Variants in GID4 observed in about 807,000 individuals in gnomAD.
GID4 encodes the protein glucose-induced degradation protein 4 homolog.
In GID4, 7 loss-of-function variants were observed where a neutral mutation model predicts 32.4. That is an observed-to-expected ratio of 0.22 (90% CI 0.12 to 0.41). GID4 has a LOEUF of 0.41. Among genes scored for constraint, GID4 ranks in the 10% least tolerant of loss-of-function variants. The pLI, the probability that GID4 is intolerant of heterozygous loss-of-function variation, is 1.00. For synonymous variants in GID4, 166 were observed against 170.0 expected (o/e 0.98, Z 0.18); for missense variants, 309 against 400.0 (o/e 0.77, Z 1.94).
rs2045077214 is a variant in GID4, at chr17:18,067,512, C to A, written c.*2269C>A. ...CCTTTACTAGATCCTTCAGACACAT[C>A]TATGAGAAGATTTGTTCATTTAAAA... On this transcript the variant is annotated 3_prime_UTR_variant, in exon 6 of 6. Transcript: ENST00000268719. 1 of 152,498 alleles carries A rather than the reference C, an allele frequency of 6.6e-6. No individual in the cohort carries two copies. Among genetic ancestry groups the A allele is most frequent in the South Asian group, 2.1e-4 (1 of 4,836 alleles). 9.4% of individuals were successfully genotyped at this position (152,498 alleles called of 1,614,324 possible).
chr17:18,057,183 G>A (rs998931446), intron 3 of GID4: 119 of 977,134 alleles, frequency 1.2e-4, no homozygotes, highest in Non-Finnish European at 1.6e-4. Flanking sequence ...TGTAATGCCA[G>A]CACTTTGGGA....
chr17:18,047,873 G>T (rs1209471963), intron 2 of GID4, among the ~76,000 whole-genome samples: 1 of 151,738 alleles, frequency 6.6e-6, no homozygotes, highest in Non-Finnish European at 1.5e-5. Flanking sequence ...GGTTTTTAGT[G>T]TATTCACAAA....
intron 4 of GID4, among the ~76,000 whole-genome samples, chr17:18,059,828 G>A (rs2045002684): frequency 6.6e-6 from 1 of 152,014 alleles, no homozygotes; most frequent in South Asian, 2.1e-4. Context: ...GATCACACCT[G>A]TAATCCCAGC....
chr17:18,058,724 A>T, intron 3 of GID4, 144 bp from the exon 4 acceptor site: 1 of 599,576 alleles, frequency 1.7e-6, no homozygotes, highest in Non-Finnish European at 3.0e-6. Context: ...CCCATCTGTT[A>T]CTTGGTCTTA....
chr17:18,053,305 G>A (rs1452028304), intron 2 of GID4, among the ~76,000 whole-genome samples: 1 of 150,258 alleles, frequency 6.7e-6, no homozygotes, highest in Non-Finnish European at 1.5e-5. Context: ...GAGCCACCAT[G>A]CCTGGCCAAA....
rs2044895171 is a variant in GID4, at chr17:18,050,032, C to G, written c.499-4095C>G. ...CTAAGGATAACGGCCTCTAGCTCTA[C>G]CCGTGTTCACGCAAAAGACATGATC... is the stretch of plus-strand genomic sequence containing the variant. On this transcript the variant is annotated intron_variant, in intron 2 of 5. Transcript: ENST00000268719. Among the ~76,000 whole-genome samples the G allele has an allele frequency of 2.6e-5, 4 of 152,322 alleles. No individual in the cohort carries two copies. The South Asian group carries it at 8.3e-4, about 32-fold the overall frequency.
chr17:18,040,017 C>G, intron 1 of GID4, 115 bp downstream of exon 1: 3 of 1,230,112 alleles, frequency 2.4e-6, no homozygotes, highest in Non-Finnish European at 3.1e-6. Flanking sequence ...CCGGGGCCTC[C>G]TGCACCCGGC....
At chr17:18,059,016 C>G in intron 4 of GID4, 47 bp downstream of exon 4, 2 of 1,044,030 alleles carry the variant, frequency 1.9e-6, no homozygotes, top group Non-Finnish European at 3.0e-6. Flanking sequence ...AAGCCAGGCC[C>G]TGTATCGCAC....
intron 1 of GID4, among the ~76,000 whole-genome samples, chr17:18,041,585 A>T (rs1003224203): frequency 2.0e-5 from 3 of 152,156 alleles, no homozygotes; most frequent in Admixed American, 6.5e-5. Flanking sequence ...AGAGTCGAGT[A>T]TGAAGGTACA....
At position 18,065,972 on chromosome 17, in the gene GID4, C is replaced by T. The variant is rs931770052; in HGVS notation, c.*729C>T. On this transcript the variant is annotated 3_prime_UTR_variant, in exon 6 of 6. Coordinates refer to ENST00000268719, the MANE Select transcript of GID4 (RefSeq NM_024052.5). Reference sequence around the variant, plus strand: ...AGATTCCAGTCCTGCTTACTCAGTACATTTGCTCCAAACTTTTCAACTTGA... The same window carrying T: ...AGATTCCAGTCCTGCTTACTCAGTATATTTGCTCCAAACTTTTCAACTTGA... 1 of 152,224 alleles carries T rather than the reference C, an allele frequency of 6.6e-6. No individual in the cohort carries two copies. The highest frequency in any genetic ancestry group is 2.4e-5 in the African/African-American group (1 of 41,470). The allele number at this position is 152,224 out of a possible 1,614,324, so 9.4% of individuals were successfully genotyped here.
At position 18,065,266 on chromosome 17, in the gene GID4, A is replaced by C; in HGVS notation, c.*23A>C. On this transcript the variant is annotated 3_prime_UTR_variant, in exon 6 of 6. Coordinates refer to ENST00000268719, the MANE Select transcript of GID4 (RefSeq NM_024052.5). ...TGACAACGGTTCAGAACAGCAACCA[A>C]ATAAAACTGAACTTGGCAAAAAAGA... The C allele has an allele frequency of 6.3e-7, 1 of 1,593,442 alleles. No homozygotes were observed. The highest frequency in any genetic ancestry group is 8.6e-7 in the Non-Finnish European group (1 of 1,161,196).
At chr17:18,050,120 A>G (rs769307534) in intron 2 of GID4, among the ~76,000 whole-genome samples, 7 of 152,082 alleles carry the variant, frequency 4.6e-5, no homozygotes, top group Admixed American at 6.6e-5. Context: ...TCTTTATCCA[A>G]TCTGTCATTG....
At chr17:18,045,314 A>G (rs2044842196) in intron 2 of GID4, 108 bp downstream of exon 2, 1 of 736,578 alleles carries the variant, frequency 1.4e-6, no homozygotes, top group Non-Finnish European at 2.4e-6. Context: ...TAATTAAAGC[A>G]GACTACTCCT....
At chr17:18,060,435 C>T (rs962049907) in intron 4 of GID4, among the ~76,000 whole-genome samples, 3 of 150,056 alleles carry the variant, frequency 2.0e-5, no homozygotes, top group African/African-American at 7.4e-5. Context: ...AAGTGGGGAT[C>T]ACCACTCTTC....
In GID4 at chr17:18,067,463, A is replaced by G. The variant is rs1377988086; in HGVS notation, c.*2220A>G. ...CCAGGTGATGAAGTGCACCCATTGTACTGGGAAGAATGAAGAGGTGATACC... is the reference window on the plus strand; with the variant it reads ...CCAGGTGATGAAGTGCACCCATTGTGCTGGGAAGAATGAAGAGGTGATACC... On this transcript the variant is annotated 3_prime_UTR_variant, in exon 6 of 6. Coordinates refer to ENST00000268719, the MANE Select transcript of GID4 (RefSeq NM_024052.5). The G allele has an allele frequency of 6.6e-6, 1 of 152,228 alleles. No individual in the cohort carries two copies. Among genetic ancestry groups the G allele is most frequent in the South Asian group, 2.1e-4 (1 of 4,824 alleles). The allele number at this position is 152,228 out of a possible 1,614,324, so 9.4% of individuals were successfully genotyped here.
chr17:18,057,848 T>C (rs2145568822), intron 3 of GID4, among the ~76,000 whole-genome samples: 1 of 152,296 alleles, frequency 6.6e-6, no homozygotes, highest in Non-Finnish European at 1.5e-5. Context: ...GATTTTTTTT[T>C]TTTGAGACAG....
chr17:18,052,779 G>A (rs1452981685), intron 2 of GID4, among the ~76,000 whole-genome samples: 6 of 152,116 alleles, frequency 3.9e-5, no homozygotes, highest in Admixed American at 6.5e-5. Flanking sequence ...TCTTGCTTAC[G>A]TTTTCCACGG....
At chr17:18,045,661 G>A (rs1207215462) in intron 2 of GID4, among the ~76,000 whole-genome samples, 1 of 151,936 alleles carries the variant, frequency 6.6e-6, no homozygotes, top group Non-Finnish European at 1.5e-5. Context: ...TTGGGAGCCT[G>A]AGGTGTGCAG....
chr17:18,065,269 A>G lies in GID4; in HGVS notation c.*26A>G. ...CAACGGTTCAGAACAGCAACCAAAT[A>G]AAACTGAACTTGGCAAAAAAGAACT... On this transcript the variant is annotated 3_prime_UTR_variant, in exon 6 of 6. Transcript: ENST00000268719. 1.3e-6 allele frequency: 2 copies of G among 1,589,704 alleles called. No individual in the cohort carries two copies. The highest frequency in any genetic ancestry group is 2.7e-5 in the African/African-American group (2 of 74,528).
Sources: gnomAD v4.1 joint callset for allele counts (sites outside exome capture counted in the v4.1 genomes callset) on GRCh38, gnomAD v4.1.1 for gene constraint, MANE v1.5 for transcripts, NCBI Gene and HGNC (gene_info 2026-07-23, HGNC 2026-07-21) for gene names.